Variants in LARS2 observed in about 807,000 individuals in gnomAD.
The protein encoded by LARS2 is leucine--tRNA ligase, mitochondrial.
A neutral mutation model predicts 116.6 loss-of-function variants in LARS2; 81 were observed. That is an observed-to-expected ratio of 0.69 (90% CI 0.58 to 0.84). The LOEUF (loss-of-function observed/expected upper bound fraction) is 0.84. LARS2 is among the 40% of genes least tolerant of loss of function. The pLI, the probability that LARS2 is intolerant of heterozygous loss-of-function variation, is 0.00. For missense variants in LARS2, 968 were observed against 1,114.5 expected (o/e 0.87, Z 1.87); for synonymous variants, 396 against 407.2 (o/e 0.97, Z 0.33).
chr3:45,425,848 G>C (rs1175192927), intron 6 of LARS2, among the ~76,000 whole-genome samples: 1 of 151,114 alleles, frequency 6.6e-6, no homozygotes, highest in Non-Finnish European at 1.5e-5. Flanking sequence ...CAATGCCTTA[G>C]CATCACGGAA....
chr3:45,547,653 G>A lies in LARS2; in HGVS notation c.*123G>A, dbSNP rs576417928. ...GACAAATGTCTTGACTGTTGACCTCGGTCCTGTGGCAGACTGCAGTCAACA... is the reference window on the plus strand; with the variant it reads ...GACAAATGTCTTGACTGTTGACCTCAGTCCTGTGGCAGACTGCAGTCAACA... On this transcript the variant is annotated 3_prime_UTR_variant, in exon 22 of 22. Transcript: ENST00000645846. The A allele has an allele frequency of 1.9e-5, 17 of 900,650 alleles. No homozygotes were observed. The Admixed American group carries it at 2.9e-4, about 15-fold the overall frequency. 55.8% of individuals were successfully genotyped at this position (900,650 alleles called of 1,614,324 possible). A position where few individuals can be genotyped will look rare whatever the true frequency, so the allele number is the denominator to read the frequency against.
At chr3:45,510,787 C>T (rs887401339) in intron 15 of LARS2, among the ~76,000 whole-genome samples, 3 of 152,130 alleles carry the variant, frequency 2.0e-5, no homozygotes, top group Non-Finnish European at 2.9e-5. Flanking sequence ...TATGACTGCA[C>T]TCTTTCTTTT....
intron 19 of LARS2, among the ~76,000 whole-genome samples, chr3:45,522,892 TAA>T (rs11359092): frequency 1.3e-5 from 2 of 151,558 alleles, no homozygotes; most frequent in South Asian, 2.1e-4. Context: ...CATCTCTATT[TAA>T]AAAAAAAATT....
chr3:45,472,737 C>T (rs1699546996), intron 8 of LARS2, among the ~76,000 whole-genome samples: 1 of 152,188 alleles, frequency 6.6e-6, no homozygotes, highest in African/African-American at 2.4e-5. Context: ...GAGTCAGCTA[C>T]ATCTTGCTTC....
intron 6 of LARS2, among the ~76,000 whole-genome samples, chr3:45,437,493 A>G (rs1026152720): frequency 1.3e-5 from 2 of 152,238 alleles, no homozygotes; most frequent in Admixed American, 1.3e-4. Flanking sequence ...ATGGTTGAAG[A>G]AAAAGGAATT....
chr3:45,429,698 CT>C (rs35874596), intron 6 of LARS2, among the ~76,000 whole-genome samples: 28 of 108,134 alleles, frequency 2.6e-4, no homozygotes, highest in African/African-American at 5.6e-4. Context: ...CATCCTTCTG[CT>C]TTTTTTTTTT....
chr3:45,484,162 A>C (rs1374188026), intron 10 of LARS2: 1 of 152,072 alleles, frequency 6.6e-6, no homozygotes, highest in Admixed American at 6.6e-5. Flanking sequence ...TATCTTAAAA[A>C]TAATTTAAAA....
Position 45,513,133 on chromosome 3 carries a change from A to G in LARS2, c.1761-2A>G. 6.2e-7 allele frequency: 1 copy of G among 1,603,980 alleles called. No individual in the cohort carries two copies. On this transcript the variant is annotated splice_acceptor_variant, in intron 15 of 21. Coordinates refer to ENST00000645846, the MANE Select transcript of LARS2 (RefSeq NM_015340.4). LOFTEE classifies it high-confidence loss of function. ...TTTTCTTTTCCTGTCATCTTTCCTC[A>G]GGGAGCCTTTTCATAAGCTGCTGGC... is the stretch of plus-strand genomic sequence containing the variant.
chr3:45,398,963 T>C (rs907678959), intron 3 of LARS2, among the ~76,000 whole-genome samples: 1 of 152,178 alleles, frequency 6.6e-6, no homozygotes, highest in Non-Finnish European at 1.5e-5. Flanking sequence ...ACATTCATCA[T>C]TTTACCAGGG....
chr3:45,399,968 T>G (rs922167480), intron 3 of LARS2, among the ~76,000 whole-genome samples: 13 of 151,986 alleles, frequency 8.6e-5, no homozygotes, highest in Non-Finnish European at 1.8e-4. Flanking sequence ...ATTCATTCCT[T>G]TCAAAAAATA....
At chr3:45,508,915 C>T (rs1016011729) in intron 15 of LARS2, among the ~76,000 whole-genome samples, 31 of 151,708 alleles carry the variant, frequency 2.0e-4, no homozygotes, top group Middle Eastern at 3.4e-3. Context: ...TTCTTTCCTT[C>T]TTCCAAGTGG....
At chr3:45,507,829 C>T (rs575621383) in intron 15 of LARS2, among the ~76,000 whole-genome samples, 1 of 152,050 alleles carries the variant, frequency 6.6e-6, no homozygotes, top group Non-Finnish European at 1.5e-5. Flanking sequence ...CTGATTTTTT[C>T]CAGATTTTTT....
At chr3:45,506,523 A>G (rs1450893750) in intron 15 of LARS2, among the ~76,000 whole-genome samples, 2 of 152,082 alleles carry the variant, frequency 1.3e-5, no homozygotes, top group Admixed American at 1.3e-4. Flanking sequence ...CTAGTTCTGT[A>G]TTCCTTTTGA....
chr3:45,514,022 A>G (rs1700333422), intron 16 of LARS2, among the ~76,000 whole-genome samples: 1 of 152,176 alleles, frequency 6.6e-6, no homozygotes, highest in Non-Finnish European at 1.5e-5. Flanking sequence ...CCTGGCCAAC[A>G]TGGTGAAACC....
chr3:45,471,404 G>T (rs1225157803), intron 8 of LARS2, among the ~76,000 whole-genome samples: 1 of 152,170 alleles, frequency 6.6e-6, no homozygotes, highest in African/African-American at 2.4e-5. Flanking sequence ...CATTGTTCCA[G>T]AATTAGCATA....
intron 10 of LARS2, chr3:45,483,997 G>A (rs1274547936): frequency 2.0e-5 from 3 of 150,726 alleles, no homozygotes; most frequent in South Asian, 2.1e-4. Context: ...CCAGTAGTTC[G>A]AGACCAGCCT....
chr3:45,394,603 GTA>G lies in LARS2; in HGVS notation c.153_154del (p.Thr52IlefsTer8). 6.2e-7 allele frequency: 1 copy of G among 1,614,192 alleles called. No homozygotes were observed. The highest frequency in any genetic ancestry group is 8.5e-7 in the Non-Finnish European group (1 of 1,180,030). On this transcript the variant is annotated frameshift_variant, in exon 3 of 22. Coordinates refer to ENST00000645846, the MANE Select transcript of LARS2 (RefSeq NM_015340.4). LOFTEE classifies it high-confidence loss of function. ...YSATGKWTKEYTLQTRKDVEK... is the reference protein window; with the variant it reads ...YSATGKWTKEXTLQTRKDVEK... ...GTGCCACGGGAAAGTGGACAAAAGAGTATACATTGCAGACAAGAAAGGATGTT... is the reference window on the plus strand; with the variant it reads ...GTGCCACGGGAAAGTGGACAAAAGAGTACATTGCAGACAAGAAAGGATGTT...
intron 17 of LARS2, 71 bp from the exon 18 acceptor site, chr3:45,517,832 C>T: frequency 7.9e-7 from 1 of 1,273,872 alleles, no homozygotes; most frequent in Non-Finnish European, 1.1e-6. Context: ...TTTTTCTCTG[C>T]TTAGTTATAC....
chr3:45,492,649 A>G (rs999795530), intron 13 of LARS2, among the ~76,000 whole-genome samples: 1 of 152,216 alleles, frequency 6.6e-6, no homozygotes, highest in Admixed American at 6.5e-5. Flanking sequence ...TGGGAAAGTC[A>G]TTTACCTTCT....
Sources: gnomAD v4.1 joint callset for allele counts (sites outside exome capture counted in the v4.1 genomes callset) on GRCh38, gnomAD v4.1.1 for gene constraint, MANE v1.5 for transcripts, NCBI Gene and HGNC (gene_info 2026-07-23, HGNC 2026-07-21) for gene names.